Variants in RYR2 observed in about 807,000 individuals in gnomAD.
RYR2 encodes cardiac muscle ryanodine receptor-calcium release channel.
RYR2 carries 227 observed loss-of-function variants against 601.1 expected under a neutral mutation model. The observed-to-expected ratio is 0.38, with a 90% CI of 0.34 to 0.42. The LOEUF is 0.42. RYR2 is among the 10% of genes least tolerant of loss of function. RYR2 has a pLI of 1.00. For missense variants in RYR2, 4,646 were observed against 6,156.5 expected (o/e 0.75, Z 8.21); for synonymous variants, 2,223 against 2,175.1 (o/e 1.02, Z -0.61).
At chr1:237,042,832 C>T (rs1301346860) in intron 1 of RYR2, among the ~76,000 whole-genome samples, 1 of 152,058 alleles carries the variant, frequency 6.6e-6, no homozygotes, top group Non-Finnish European at 1.5e-5. Context: ...CGCCCGGGCT[C>T]GGACCCGGGG....
At chr1:237,278,491 A>G (rs1690533162) in intron 2 of RYR2, among the ~76,000 whole-genome samples, 2 of 152,062 alleles carry the variant, frequency 1.3e-5, no homozygotes, top group African/African-American at 2.4e-5. Context: ...AATAGAAAAT[A>G]TATTACCTTA....
chr1:237,771,869 T>A, intron 85 of RYR2, 143 bp from the exon 86 acceptor site: 1 of 594,692 alleles, frequency 1.7e-6, no homozygotes, highest in Non-Finnish European at 3.0e-6. Flanking sequence ...ATATAAATTA[T>A]TTTCATAGTA....
chr1:237,345,593 T>C (rs1698236901), intron 3 of RYR2, among the ~76,000 whole-genome samples: 1 of 152,050 alleles, frequency 6.6e-6, no homozygotes, highest in African/African-American at 2.4e-5. Context: ...AGTAATCAAC[T>C]TGATTTTTTT....
chr1:237,297,237 T>G (rs1406185143), intron 2 of RYR2, among the ~76,000 whole-genome samples: 2 of 152,110 alleles, frequency 1.3e-5, no homozygotes, highest in Non-Finnish European at 2.9e-5. Flanking sequence ...AAAGATTGAT[T>G]TATGAAGAAA....
Position 237,441,236 on chromosome 1 carries a change from A to G in RYR2, c.1006-83A>G, listed in dbSNP as rs539307565. Reference sequence around the variant, plus strand: ...GAGGGCTGAATTTTTCAAGGAACATATTTGCAATAAGGCAAAATTCTATTG... The same window carrying G: ...GAGGGCTGAATTTTTCAAGGAACATGTTTGCAATAAGGCAAAATTCTATTG... On this transcript the variant is annotated intron_variant, in intron 12 of 104. Coordinates refer to ENST00000366574, the MANE Select transcript of RYR2 (RefSeq NM_001035.3). The G allele has an allele frequency of 4.1e-6, 6 of 1,473,918 alleles. No individual in the cohort carries two copies. In the African/African-American group the frequency reaches 8.3e-5, roughly 20 times the overall value. 91.3% of individuals were successfully genotyped at this position (1,473,918 alleles called of 1,614,324 possible).
At chr1:237,807,357 T>G (rs1558459921) in intron 99 of RYR2, among the ~76,000 whole-genome samples, 1 of 152,120 alleles carries the variant, frequency 6.6e-6, no homozygotes, top group Non-Finnish European at 1.5e-5. Context: ...TTTTCTTTGT[T>G]TGTTTGTTTT....
In RYR2 at chr1:237,511,776, C is replaced by T. The variant is rs1295898396; in HGVS notation, c.2807C>T (p.Ser936Leu). Residue 936 changes from serine (S) to leucine (L), a missense_variant, in exon 24 of 105, where the codon TCG (serine) becomes TTG (leucine). Around this residue, in one of 17 missense-constraint regions of RYR2, gnomAD observed 1,807 missense variants for 2,088.1 expected, o/e 0.87. Transcript: ENST00000366574. ...GAGCGCAATTACAACTTACAAATGT[C>T]GCTTGAGACCCTGAAGTGAGTTTCT... Reference protein sequence around the residue: ...EQERNYNLQMSLETLKTLLAL... With the variant: ...EQERNYNLQMLLETLKTLLAL... 5.4e-6 allele frequency: 8 copies of T among 1,480,976 alleles called. No homozygotes were observed. The highest frequency in any genetic ancestry group is 6.4e-6 in the Non-Finnish European group (7 of 1,098,452). 91.7% of individuals were successfully genotyped at this position (1,480,976 alleles called of 1,614,324 possible). A position where few individuals can be genotyped will look rare whatever the true frequency, so the allele number is the denominator to read the frequency against.
rs367994477 is a variant in RYR2, at chr1:237,643,338, C to G, written c.7233C>G (p.Ala2411=). ...TTTCCCCTGTATAGTTGATTCATGC[C>G]GGGAAGGGAGAAGCCATCAGAATTA... ...RCAPEMHLIH[A]GKGEAIRIRS... The change falls in exon 48 of 105, where the codon GCC becomes GCG. Residue 2411 remains alanine (A), a synonymous_variant. Coordinates refer to ENST00000366574, the MANE Select transcript of RYR2 (RefSeq NM_001035.3). 1 of 1,613,170 alleles carries G rather than the reference C, an allele frequency of 6.2e-7. No homozygotes were observed. The highest frequency in any genetic ancestry group is 1.1e-5 in the South Asian group (1 of 90,996).
chr1:237,401,575 C>T (rs1251431360), intron 10 of RYR2, among the ~76,000 whole-genome samples: 2 of 152,124 alleles, frequency 1.3e-5, no homozygotes, highest in East Asian at 1.9e-4. Flanking sequence ...CAGAGCTTCT[C>T]GTTCCCTGTG....
chr1:237,288,572 C>A (rs544738856), intron 2 of RYR2, among the ~76,000 whole-genome samples: 3 of 151,870 alleles, frequency 2.0e-5, no homozygotes, highest in Non-Finnish European at 2.9e-5. Flanking sequence ...CTGAGTCATG[C>A]AGGTTGTCAG....
chr1:237,828,567 T>C lies in RYR2; in HGVS notation c.14655+122T>C. 4.7e-6 allele frequency: 3 copies of C among 631,754 alleles called. No homozygotes were observed. In the Admixed American group the frequency reaches 8.6e-5, roughly 18 times the overall value. The allele number at this position is 631,754 out of a possible 1,614,324, so 39.1% of individuals were successfully genotyped here. On this transcript the variant is annotated intron_variant, in intron 102 of 104. Transcript: ENST00000366574. ...AGGGGGAAGGGCACAACTTGTGGTTTCACTGGCGTGTTTTCCATTCAAGCA... is the reference window on the plus strand; with the variant it reads ...AGGGGGAAGGGCACAACTTGTGGTTCCACTGGCGTGTTTTCCATTCAAGCA...
At position 237,290,851 on chromosome 1, in the gene RYR2, G is replaced by A. The variant is rs113893183; in HGVS notation, c.168+20235G>A. Among the ~76,000 whole-genome samples, 873 of 152,178 alleles carry A rather than the reference G, an allele frequency of 5.7e-3. 10 individuals are homozygous for A. Among genetic ancestry groups the A allele is most frequent in the African/African-American group, 0.02 (828 of 41,536 alleles). On this transcript the variant is annotated intron_variant, in intron 2 of 104. Transcript: ENST00000366574. ...CAATATGTTTGAAGAAATATTTCAC[G>A]GAAAAGAGAACTCAGATGGCTTCCA...
chr1:237,586,262 C>T (rs1674513772), intron 29 of RYR2, among the ~76,000 whole-genome samples: 1 of 152,102 alleles, frequency 6.6e-6, no homozygotes, highest in Non-Finnish European at 1.5e-5. Flanking sequence ...TTTTGTTGAG[C>T]CCTAAAGATG....
At chr1:237,769,963 G>T (rs1278226542) in intron 84 of RYR2, among the ~76,000 whole-genome samples, 1 of 152,040 alleles carries the variant, frequency 6.6e-6, no homozygotes, top group Non-Finnish European at 1.5e-5. Flanking sequence ...TTGTGATCAA[G>T]ATACCTTTAA....
At chr1:237,641,529 T>TTTCTTTC (rs1558123001) in intron 47 of RYR2, among the ~76,000 whole-genome samples, 1 of 145,150 alleles carries the variant, frequency 6.9e-6, no homozygotes, top group Non-Finnish European at 1.5e-5. Flanking sequence ...TTCTTTCTTT[T>TTTCTTTC]TCTTTCTTTT....
At chr1:237,335,849 G>T (rs904230293) in intron 3 of RYR2, among the ~76,000 whole-genome samples, 1 of 151,988 alleles carries the variant, frequency 6.6e-6, no homozygotes, top group Admixed American at 6.6e-5. Context: ...GTAGTTTACC[G>T]CTATGTAAGT....
At chr1:237,585,113 T>C (rs923880283) in intron 29 of RYR2, among the ~76,000 whole-genome samples, 4 of 152,156 alleles carry the variant, frequency 2.6e-5, no homozygotes, top group Admixed American at 6.5e-5. Context: ...GCTTTTGCAC[T>C]ATAGCTCAGA....
At chr1:237,402,148 C>T (rs917490658) in intron 10 of RYR2, among the ~76,000 whole-genome samples, 5 of 151,858 alleles carry the variant, frequency 3.3e-5, no homozygotes, top group Non-Finnish European at 7.4e-5. Context: ...AATCTCAACA[C>T]TTTGGGAAGC....
At chr1:237,777,450 G>T (rs1377209737) in intron 87 of RYR2, among the ~76,000 whole-genome samples, 1 of 152,044 alleles carries the variant, frequency 6.6e-6, no homozygotes. Context: ...GTTTTTATGT[G>T]GCCTGCAATT....
Sources: gnomAD v4.1 joint callset for allele counts (sites outside exome capture counted in the v4.1 genomes callset) on GRCh38, gnomAD v4.1.1 for gene constraint, gnomAD v4.1.1 regional missense constraint, MANE v1.5 for transcripts, NCBI Gene and HGNC (gene_info 2026-07-23, HGNC 2026-07-21) for gene names.